The following GABRB2 variants were observed in gnomAD, a reference collection of about 807,000 sequenced individuals.
GABRB2 encodes the protein gamma-aminobutyric acid type A receptor subunit beta2.
Under a neutral mutation model 54.7 loss-of-function variants are expected in GABRB2, and 16 were observed. That is an observed-to-expected ratio of 0.29 (90% confidence interval 0.20 to 0.44). The LOEUF (loss-of-function observed/expected upper bound fraction) is 0.44, where lower values mean the gene tolerates loss of function less well. Ranked by LOEUF, GABRB2 falls within the 20% of genes least tolerant of loss-of-function variation. GABRB2 has a pLI of 1.00. For missense variants in GABRB2, 355 were observed against 644.0 expected (o/e 0.55, Z 4.86); for synonymous variants, 244 against 233.8 (o/e 1.04, Z -0.40).
At chr5:161,502,700 A>C (rs1178122528) in intron 3 of GABRB2, among the ~76,000 whole-genome samples, 1 of 152,200 alleles carries the variant, frequency 6.6e-6, no homozygotes, top group African/African-American at 2.4e-5. Context: ...AAGCACAGCA[A>C]AGGAAATTAT....
intron 7 of GABRB2, among the ~76,000 whole-genome samples, chr5:161,332,765 T>A (rs1267566990): frequency 6.6e-6 from 1 of 152,150 alleles, no homozygotes; most frequent in African/African-American, 2.4e-5. Context: ...GGGGACACAG[T>A]TTTCTGATTT....
At chr5:161,296,978 T>C (rs777802213) in intron 9 of GABRB2, among the ~76,000 whole-genome samples, 1 of 152,226 alleles carries the variant, frequency 6.6e-6, no homozygotes, top group African/African-American at 2.4e-5. Context: ...AAGTTGATTA[T>C]TATGACATGC....
At chr5:161,410,597 G>T (rs1414360973) in intron 5 of GABRB2, among the ~76,000 whole-genome samples, 1 of 152,120 alleles carries the variant, frequency 6.6e-6, no homozygotes, top group Non-Finnish European at 1.5e-5. Context: ...TTTATGAGAG[G>T]CAAAGACAGG....
rs555838838 is a variant in GABRB2 at position 161,377,881 on chromosome 5, A to G, written c.541+33094T>C. Among the ~76,000 whole-genome samples the G allele has an allele frequency of 4.6e-5, 7 of 152,194 alleles. No individual in the cohort carries two copies. In the South Asian group the frequency reaches 1.2e-3, roughly 27 times the overall value. ...GCAGATCAACTTATAAATATTTTAT[A>G]TATGTTTAATTTGTGTAAAATATTT... is the stretch of plus-strand genomic sequence containing the variant. On this transcript the variant is annotated intron_variant, in intron 5 of 9. Coordinates refer to ENST00000393959, the MANE Select transcript of GABRB2 (RefSeq NM_001371727.1).
chr5:161,505,291 C>T (rs868051602), intron 3 of GABRB2, among the ~76,000 whole-genome samples: 1 of 151,818 alleles, frequency 6.6e-6, no homozygotes, highest in Non-Finnish European at 1.5e-5. Context: ...CCACCACGCC[C>T]GACAAATTTT....
In GABRB2 at chr5:161,301,526, T is replaced by G. The variant is rs1245800963; in HGVS notation, c.1192-7098A>C. 2.2e-4 allele frequency among the ~76,000 whole-genome samples: 33 copies of G among 152,140 alleles called. 1 individual carries two copies. The highest frequency in any genetic ancestry group is 4.3e-4 in the Non-Finnish European group (29 of 68,032). On this transcript the variant is annotated intron_variant, in intron 9 of 9. Coordinates refer to ENST00000393959, the MANE Select transcript of GABRB2 (RefSeq NM_001371727.1). ...TGCCCTGGAAAACATAGAAAAATAT[T>G]TATCAAATTTTTCTGTCTTGGCATT...
intron 9 of GABRB2, among the ~76,000 whole-genome samples, chr5:161,306,763 G>A (rs1444471557): frequency 2.0e-5 from 3 of 151,870 alleles, no homozygotes; most frequent in Admixed American, 6.6e-5. Flanking sequence ...CACGTTTAAT[G>A]CTCAACTAGC....
intron 3 of GABRB2, among the ~76,000 whole-genome samples, chr5:161,506,317 T>G (rs577266784): frequency 2.6e-5 from 4 of 152,242 alleles, no homozygotes; most frequent in South Asian, 2.1e-4. Flanking sequence ...TTCCCCAGAT[T>G]GATCTATAAA....
intron 5 of GABRB2, among the ~76,000 whole-genome samples, chr5:161,364,466 G>C (rs1264656719): frequency 6.6e-6 from 1 of 152,100 alleles, no homozygotes; most frequent in African/African-American, 2.4e-5. Context: ...CTGAACTCTT[G>C]ATGCTAAATT....
chr5:161,505,109 C>CTTTTTTT (rs34388314), intron 3 of GABRB2, among the ~76,000 whole-genome samples: 1 of 135,560 alleles, frequency 7.4e-6, no homozygotes. Context: ...TTTTCCTTTT[C>CTTTTTTT]TTTTTTTTTT....
In GABRB2 at chr5:161,294,268, A is replaced by C. The variant is rs1131691366; in HGVS notation, c.1352T>G (p.Phe451Cys). 1 of 1,614,154 alleles carries C rather than the reference A, an allele frequency of 6.2e-7. No individual in the cohort carries two copies. The highest frequency in any genetic ancestry group is 1.1e-5 in the South Asian group (1 of 91,082). Residue 451 changes from phenylalanine to cysteine, a missense_variant, in exon 10 of 10, where the codon TTT becomes TGT. Phe to Cys is a radical substitution (Grantham distance 205). This residue lies in a region of GABRB2 where 201 missense variants were observed against 228.1 expected (regional missense o/e 0.88). Transcript: ENST00000393959. ...YRKAGLPRHSFGRNALERHVA... is the reference protein window; with the variant it reads ...YRKAGLPRHSCGRNALERHVA... ...ATGTCGTTCCAGAGCATTTCGGCCA[A>C]AACTATGCCTGGGCAACCCAGCTTT...
intron 5 of GABRB2, among the ~76,000 whole-genome samples, chr5:161,354,279 G>C (rs1754555044): frequency 6.6e-6 from 1 of 151,970 alleles, no homozygotes; most frequent in South Asian, 2.1e-4. Flanking sequence ...GTGAAACTCT[G>C]CTCTAAAGTT....
intron 3 of GABRB2, among the ~76,000 whole-genome samples, chr5:161,484,954 T>C (rs1218966836): frequency 2.6e-5 from 4 of 152,034 alleles, no homozygotes; most frequent in Admixed American, 2.0e-4. Flanking sequence ...CTGCCCAGGC[T>C]CACCATTTAT....
intron 9 of GABRB2, among the ~76,000 whole-genome samples, chr5:161,325,174 C>T (rs1025478723): frequency 6.6e-6 from 1 of 151,944 alleles, no homozygotes; most frequent in Non-Finnish European, 1.5e-5. Context: ...CAGAATAATG[C>T]CCAATCAAAT....
intron 9 of GABRB2, among the ~76,000 whole-genome samples, chr5:161,318,100 T>G (rs1758097970): frequency 6.6e-6 from 1 of 151,928 alleles, no homozygotes; most frequent in Non-Finnish European, 1.5e-5. Context: ...TTTTGACTAT[T>G]ATGTAAATGA....
At chr5:161,489,324 G>A (rs1759028289) in intron 3 of GABRB2, among the ~76,000 whole-genome samples, 1 of 151,608 alleles carries the variant, frequency 6.6e-6, no homozygotes, top group South Asian at 2.1e-4. Flanking sequence ...ACATAAATGA[G>A]GCAGATAATA....
chr5:161,422,788 G>A (rs529870208), intron 4 of GABRB2, among the ~76,000 whole-genome samples: 2 of 152,096 alleles, frequency 1.3e-5, no homozygotes, highest in African/African-American at 4.8e-5. Context: ...AACATTCCAT[G>A]GGTTGTAAAT....
intron 9 of GABRB2, among the ~76,000 whole-genome samples, chr5:161,322,383 G>T (rs901297452): frequency 6.6e-6 from 1 of 151,998 alleles, no homozygotes; most frequent in Admixed American, 6.6e-5. Flanking sequence ...CTACAGGCAT[G>T]TGCCACCATA....
chr5:161,461,053 G>A (rs1758106949), intron 3 of GABRB2, among the ~76,000 whole-genome samples: 1 of 152,088 alleles, frequency 6.6e-6, no homozygotes, highest in Non-Finnish European at 1.5e-5. Context: ...AGGGAGAGTA[G>A]AAACACAGCA....
Sources: allele counts gnomAD v4.1 joint callset (sites outside exome capture counted in the v4.1 genomes callset), GRCh38; gene constraint gnomAD v4.1.1; regional missense constraint gnomAD v4.1.1; transcripts MANE v1.5; gene names NCBI Gene and HGNC (gene_info 2026-07-23, HGNC 2026-07-21).